ST6GALNAC5: variants seen among roughly 807,000 people sequenced by gnomAD.
ST6GALNAC5 encodes alpha-N-acetylgalactosaminide alpha-2,6-sialyltransferase 5.
In ST6GALNAC5, 27 loss-of-function variants were observed where a neutral mutation model predicts 33.6. The observed-to-expected ratio is 0.80, with a 90% confidence interval of 0.59 to 1.11. ST6GALNAC5 has a LOEUF of 1.11. Among genes scored for constraint, ST6GALNAC5 ranks in the 50% least tolerant of loss-of-function variants. The pLI, the probability that ST6GALNAC5 is intolerant of heterozygous loss-of-function variation, is 0.00. For missense variants in ST6GALNAC5, 428 were observed against 454.0 expected, an observed-to-expected ratio of 0.94 and a Z score of 0.52; for synonymous variants, 194 against 171.2, an observed-to-expected ratio of 1.13 and a Z score of -1.04.
intron 2 of ST6GALNAC5, among the ~76,000 whole-genome samples, chr1:76,881,755 A>G (rs960714615): frequency 6.6e-6 from 1 of 152,250 alleles, no homozygotes; most frequent in Non-Finnish European, 1.5e-5. Context: ...GCTGCAAGTC[A>G]TAAATATCAA....
At chr1:76,952,253 G>A (rs1297450589) in intron 2 of ST6GALNAC5, among the ~76,000 whole-genome samples, 1 of 152,058 alleles carries the variant, frequency 6.6e-6, no homozygotes, top group Non-Finnish European at 1.5e-5. Flanking sequence ...GGAAAGAGAG[G>A]TACCGTAGCA....
intron 2 of ST6GALNAC5, among the ~76,000 whole-genome samples, chr1:76,932,082 T>A (rs573335664): frequency 6.6e-6 from 1 of 152,248 alleles, no homozygotes; most frequent in East Asian, 1.9e-4. Context: ...AGTGAATCAC[T>A]AAGTTAGGAA....
intron 2 of ST6GALNAC5, among the ~76,000 whole-genome samples, chr1:76,925,927 T>A (rs2100302827): frequency 6.6e-6 from 1 of 152,304 alleles, no homozygotes. Context: ...ACCAGGACTT[T>A]CAACCCACAT....
At chr1:77,001,151 A>C (rs1467899534) in intron 2 of ST6GALNAC5, among the ~76,000 whole-genome samples, 1 of 148,158 alleles carries the variant, frequency 6.7e-6, no homozygotes, top group Non-Finnish European at 1.5e-5. Flanking sequence ...ATTTGTTTGT[A>C]TCCTCTTTTA....
intron 2 of ST6GALNAC5, among the ~76,000 whole-genome samples, chr1:76,961,560 T>A (rs1648242575): frequency 6.6e-6 from 1 of 152,166 alleles, no homozygotes; most frequent in African/African-American, 2.4e-5. Flanking sequence ...CTACTCCAAC[T>A]CCCTTGCTGC....
intron 3 of ST6GALNAC5, among the ~76,000 whole-genome samples, chr1:77,048,837 A>T (rs1018662160): frequency 6.6e-6 from 1 of 152,226 alleles, no homozygotes; most frequent in Admixed American, 6.5e-5. Context: ...CCCAGGGGAC[A>T]GAGATTCCTA....
At chr1:76,893,319 A>T (rs1218725516) in intron 2 of ST6GALNAC5, among the ~76,000 whole-genome samples, 2 of 152,188 alleles carry the variant, frequency 1.3e-5, no homozygotes, top group Non-Finnish European at 2.9e-5. Context: ...TGAGATATAG[A>T]AGTGGTGTAA....
At chr1:76,963,797 G>A in intron 2 of ST6GALNAC5, among the ~76,000 whole-genome samples, 1 of 152,158 alleles carries the variant, frequency 6.6e-6, no homozygotes, top group East Asian at 1.9e-4. Context: ...CTTACTAAAA[G>A]GGACTTTGCA....
intron 2 of ST6GALNAC5, among the ~76,000 whole-genome samples, chr1:76,885,121 T>C (rs1369271052): frequency 6.6e-6 from 1 of 152,218 alleles, no homozygotes; most frequent in African/African-American, 2.4e-5. Flanking sequence ...TGCCAACCTA[T>C]GAACACCAAA....
At chr1:77,037,600 G>C (rs1291072293) in intron 2 of ST6GALNAC5, among the ~76,000 whole-genome samples, 1 of 151,930 alleles carries the variant, frequency 6.6e-6, no homozygotes, top group African/African-American at 2.4e-5. Flanking sequence ...ATAAAGTTTG[G>C]CTTCTTATTC....
intron 2 of ST6GALNAC5, among the ~76,000 whole-genome samples, chr1:76,952,682 A>C (rs546362707): frequency 1.2e-4 from 18 of 152,220 alleles, no homozygotes; most frequent in South Asian, 1.0e-3. Flanking sequence ...ATTATGTGTC[A>C]ATTTTTTAAA....
chr1:76,936,307 A>G (rs928726481), intron 2 of ST6GALNAC5, among the ~76,000 whole-genome samples: 1 of 152,076 alleles, frequency 6.6e-6, no homozygotes, highest in African/African-American at 2.4e-5. Context: ...CATGTGTACT[A>G]TAACTAGTGT....
chr1:77,051,534 C>T (rs937663805), intron 4 of ST6GALNAC5, among the ~76,000 whole-genome samples: 2 of 152,194 alleles, frequency 1.3e-5, no homozygotes, highest in East Asian at 1.9e-4. Context: ...CATCCATAGA[C>T]GTGGATGTGA....
chr1:77,000,924 GT>G (rs2100409180), intron 2 of ST6GALNAC5, among the ~76,000 whole-genome samples: 1 of 151,500 alleles, frequency 6.6e-6, no homozygotes, highest in African/African-American at 2.4e-5. Context: ...GTCAGGTAGC[GT>G]GATGCCTCCA....
At position 76,902,623 on chromosome 1, in the gene ST6GALNAC5, A is replaced by G. The variant is rs915143991; in HGVS notation, c.261+33881A>G. ...AGTTGAAGGCCTTTCAAATTTCATAACTTCCCAATTTCAAAACTTACAATA... is the reference window on the plus strand; with the variant it reads ...AGTTGAAGGCCTTTCAAATTTCATAGCTTCCCAATTTCAAAACTTACAATA... On this transcript the variant is annotated intron_variant, in intron 2 of 4. Coordinates refer to ENST00000477717, the MANE Select transcript of ST6GALNAC5 (RefSeq NM_030965.3). 3.9e-5 allele frequency among the ~76,000 whole-genome samples: 6 copies of G among 152,158 alleles called. No homozygotes were observed. In the South Asian group the frequency reaches 6.2e-4, roughly 16 times the overall value.
rs1381331575 is a variant in ST6GALNAC5 at position 77,000,477 on chromosome 1, C to A, written c.262-43727C>A. 2.3e-3 allele frequency among the ~76,000 whole-genome samples: 282 copies of A among 125,296 alleles called. 7 individuals carry two copies. Among genetic ancestry groups the A allele is most frequent in the African/African-American group, 7.4e-3 (270 of 36,330 alleles). 82.2% of individuals were successfully genotyped at this position (125,296 alleles called of 152,430 possible). A position where few individuals can be genotyped will look rare whatever the true frequency, so the allele number is the denominator to read the frequency against. ...TCTGATGGTAGTTTCTTTTGCTGTG[C>A]AGAAGCTCTTTAGTTTAATTAGATC... On this transcript the variant is annotated intron_variant, in intron 2 of 4. Transcript: ENST00000477717.
chr1:77,030,749 A>G (rs1489755307), intron 2 of ST6GALNAC5, among the ~76,000 whole-genome samples: 3 of 152,252 alleles, frequency 2.0e-5, no homozygotes, highest in African/African-American at 7.2e-5. Flanking sequence ...AGAAGACTGG[A>G]TAAAAATATT....
intron 2 of ST6GALNAC5, among the ~76,000 whole-genome samples, chr1:76,982,215 T>G (rs912977098): frequency 6.6e-6 from 1 of 152,158 alleles, no homozygotes; most frequent in Admixed American, 6.5e-5. Flanking sequence ...CAAACTTCTC[T>G]GAGCTAAAGG....
intron 2 of ST6GALNAC5, among the ~76,000 whole-genome samples, chr1:77,004,804 G>A (rs56227696): frequency 0.02 from 2,561 of 129,028 alleles, 168 homozygotes; most frequent in Middle Eastern, 0.036. Flanking sequence ...TAGGCTGCTC[G>A]GGGGTCAGGG....
Sources: gnomAD v4.1 joint callset for allele counts (sites outside exome capture counted in the v4.1 genomes callset) on GRCh38, gnomAD v4.1.1 for gene constraint, MANE v1.5 for transcripts, NCBI Gene and HGNC (gene_info 2026-07-23, HGNC 2026-07-21) for gene names.